NFE2L2: variants seen among roughly 807,000 people sequenced by gnomAD.
The protein encoded by NFE2L2 is nuclear factor erythroid 2-related factor 2.
Under a neutral mutation model 49.6 loss-of-function variants are expected in NFE2L2, and 20 were observed. The observed-to-expected ratio is 0.40, with a 90% CI of 0.28 to 0.59. The LOEUF is 0.59. Ranked by LOEUF, NFE2L2 falls within the 20% of genes least tolerant of loss-of-function variation. The pLI, the probability that NFE2L2 is intolerant of heterozygous loss-of-function variation, is 0.40. For missense variants in NFE2L2, 578 were observed against 714.2 expected, an observed-to-expected ratio of 0.81 and a Z score of 2.17; for synonymous variants, 244 against 256.5, an observed-to-expected ratio of 0.95 and a Z score of 0.47.
At position 177,248,519 on chromosome 2, in the gene NFE2L2, C is replaced by G. The variant is rs147355361; in HGVS notation, c.46-14248G>C. On this transcript the variant is annotated intron_variant, in intron 1 of 4. Transcript: ENST00000397062. ...CCGCCTCCCGGGTTCAAGCGATTCTCTTGCCTCAGCCTCCCAAGTAGCTTG... is the reference window on the plus strand; with the variant it reads ...CCGCCTCCCGGGTTCAAGCGATTCTGTTGCCTCAGCCTCCCAAGTAGCTTG... 2.5e-3 allele frequency among the ~76,000 whole-genome samples: 387 copies of G among 152,276 alleles called. 3 individuals are homozygous for G. The highest frequency in any genetic ancestry group is 9.0e-3 in the African/African-American group (374 of 41,558).
intron 1 of NFE2L2, among the ~76,000 whole-genome samples, chr2:177,242,916 T>G (rs751700941): frequency 1.4e-4 from 22 of 152,030 alleles, no homozygotes; most frequent in Non-Finnish European, 2.5e-4. Context: ...TTTTGTTTTT[T>G]TTTTGGTGGT....
At chr2:177,240,250 T>A (rs1190209411) in intron 1 of NFE2L2, among the ~76,000 whole-genome samples, 1 of 152,098 alleles carries the variant, frequency 6.6e-6, no homozygotes, top group Admixed American at 6.5e-5. Flanking sequence ...AATCCAGGGC[T>A]TTGAGGAAGT....
intron 1 of NFE2L2, among the ~76,000 whole-genome samples, chr2:177,243,663 A>G (rs1690016878): frequency 6.6e-6 from 1 of 152,076 alleles, no homozygotes; most frequent in Non-Finnish European, 1.5e-5. Context: ...ATGCATCACC[A>G]TGCCTGGTTA....
chr2:177,258,282 A>G (rs144243231), intron 1 of NFE2L2, among the ~76,000 whole-genome samples: 1 of 152,372 alleles, frequency 6.6e-6, no homozygotes, highest in Non-Finnish European at 1.5e-5. Context: ...ACGTTGCAAC[A>G]TTTTTAAACC....
chr2:177,263,619 T>G, intron 1 of NFE2L2: 1 of 985,356 alleles, frequency 1.0e-6, no homozygotes, highest in Non-Finnish European at 1.2e-6. Context: ...CCGAGCGCTG[T>G]CACGGAAGCC....
intron 1 of NFE2L2, among the ~76,000 whole-genome samples, chr2:177,248,081 T>C (rs2105478035): frequency 6.6e-6 from 1 of 152,288 alleles, no homozygotes; most frequent in East Asian, 1.9e-4. Context: ...TAAGGAGAGC[T>C]GACAGTGATC....
rs1280263241 is a variant in NFE2L2 at position 177,231,404 on chromosome 2, G to A, written c.1199C>T (p.Ser400Phe). 1 of 1,614,254 alleles carries A rather than the reference G, an allele frequency of 6.2e-7. No homozygotes were observed. The highest frequency in any genetic ancestry group is 8.5e-7 in the Non-Finnish European group (1 of 1,180,046). Residue 400 changes from serine to phenylalanine, a missense_variant, in exon 5 of 5, where the codon TCT becomes TTT. This residue lies in a region of NFE2L2 where 368 missense variants were observed against 384.6 expected (regional missense o/e 0.96). Coordinates refer to ENST00000397062, the MANE Select transcript of NFE2L2 (RefSeq NM_006164.5). ...TGACAAGGGTTGTACCATATCCCCA[G>A]AAGAATGTACTGGTGTTTTAGGACC... ...QNGPKTPVHS[S>F]GDMVQPLSPS...
At chr2:177,253,821 A>G (rs935763580) in intron 1 of NFE2L2, among the ~76,000 whole-genome samples, 1 of 152,256 alleles carries the variant, frequency 6.6e-6, no homozygotes, top group Admixed American at 6.5e-5. Context: ...AATAAACAAT[A>G]CAATAGATTG....
intron 1 of NFE2L2, among the ~76,000 whole-genome samples, chr2:177,246,537 C>T (rs529018242): frequency 6.6e-6 from 1 of 151,560 alleles, no homozygotes; most frequent in South Asian, 2.1e-4. Context: ...ATCCCACACT[C>T]ATTTAATATA....
At chr2:177,238,818 A>C (rs1480834076) in intron 1 of NFE2L2, among the ~76,000 whole-genome samples, 1 of 152,256 alleles carries the variant, frequency 6.6e-6, no homozygotes, top group Non-Finnish European at 1.5e-5. Flanking sequence ...AAGGATTTTG[A>C]TCTCAGAGAT....
intron 2 of NFE2L2, 98 bp downstream of exon 2, chr2:177,233,907 G>A: frequency 6.7e-7 from 1 of 1,490,762 alleles, no homozygotes; most frequent in South Asian, 1.3e-5. Flanking sequence ...TTAAGTAAAA[G>A]AAAGGCAAAG....
chr2:177,232,870 G>C (rs1689604926), intron 3 of NFE2L2: 1 of 464,988 alleles, frequency 2.2e-6, no homozygotes, highest in African/African-American at 2.0e-5. Context: ...AGTGGTACTA[G>C]ATAAAACAGA....
chr2:177,253,384 A>G (rs528937832), intron 1 of NFE2L2, among the ~76,000 whole-genome samples: 6 of 152,294 alleles, frequency 3.9e-5, no homozygotes, highest in African/African-American at 1.4e-4. Context: ...GAATTACACA[A>G]AAGATTAAAA....
intron 1 of NFE2L2, chr2:177,263,689 G>C (rs1434031155): frequency 1.0e-6 from 1 of 985,388 alleles, no homozygotes; most frequent in South Asian, 4.7e-5. Context: ...GAAGCCCCGG[G>C]TGCCGCCGAC....
At chr2:177,253,716 A>G (rs1204880345) in intron 1 of NFE2L2, among the ~76,000 whole-genome samples, 2 of 152,220 alleles carry the variant, frequency 1.3e-5, no homozygotes, top group African/African-American at 4.8e-5. Context: ...ATTATTTAAC[A>G]TCATTCCCAT....
intron 2 of NFE2L2, 195 bp downstream of exon 2, chr2:177,233,810 C>G (rs1689646697): frequency 1.5e-6 from 1 of 665,798 alleles, no homozygotes; most frequent in African/African-American, 1.8e-5. Context: ...CACAATAACA[C>G]TGTTAAGATC....
chr2:177,260,653 T>A (rs1242725837), intron 1 of NFE2L2, among the ~76,000 whole-genome samples: 1 of 152,168 alleles, frequency 6.6e-6, no homozygotes, highest in African/African-American at 2.4e-5. Flanking sequence ...TTTAACCCTG[T>A]CTGTCACACT....
At chr2:177,244,269 T>C (rs1479901206) in intron 1 of NFE2L2, among the ~76,000 whole-genome samples, 1 of 150,526 alleles carries the variant, frequency 6.6e-6, no homozygotes, top group African/African-American at 2.4e-5. Context: ...GCCATTGCAC[T>C]CCAGCCTGGG....
chr2:177,260,602 A>C (rs1690697654), intron 1 of NFE2L2, among the ~76,000 whole-genome samples: 1 of 152,110 alleles, frequency 6.6e-6, no homozygotes, highest in South Asian at 2.1e-4. Flanking sequence ...GCTGTTTTCA[A>C]CTCAAATTTT....
Sources: gnomAD v4.1 joint callset for allele counts (sites outside exome capture counted in the v4.1 genomes callset) on GRCh38, gnomAD v4.1.1 for gene constraint, gnomAD v4.1.1 regional missense constraint, MANE v1.5 for transcripts, NCBI Gene and HGNC (gene_info 2026-07-23, HGNC 2026-07-21) for gene names.